PTPRD: variants seen among roughly 807,000 people sequenced by gnomAD.
PTPRD encodes receptor-type tyrosine-protein phosphatase delta.
In PTPRD, 34 loss-of-function variants were observed where a neutral mutation model predicts 214.5. The observed-to-expected ratio is 0.16, with a 90% CI of 0.12 to 0.21. The LOEUF (loss-of-function observed/expected upper bound fraction) is 0.21, where lower values mean the gene tolerates loss of function less well. Ranked by LOEUF, PTPRD falls within the 10% of genes least tolerant of loss-of-function variation. PTPRD has a pLI of 1.00. For synonymous variants in PTPRD, 1,128 were observed against 845.7 expected (o/e 1.33, Z -5.79); for missense variants, 2,545 against 2,398.7 (o/e 1.06, Z -1.27).
intron 5 of PTPRD, among the ~76,000 whole-genome samples, chr9:9,914,925 C>T (rs965667065): frequency 2.0e-5 from 3 of 152,116 alleles, no homozygotes; most frequent in African/African-American, 7.2e-5. Flanking sequence ...AACTGCATGC[C>T]CATGCTCCTA....
chr9:10,095,873 C>A (rs1252677395), intron 3 of PTPRD, among the ~76,000 whole-genome samples: 1 of 151,478 alleles, frequency 6.6e-6, no homozygotes, highest in Non-Finnish European at 1.5e-5. Flanking sequence ...TATATTAAAG[C>A]ACAAGGGTCA....
intron 8 of PTPRD, among the ~76,000 whole-genome samples, chr9:9,452,988 A>C (rs1455557868): frequency 6.7e-6 from 1 of 149,098 alleles, no homozygotes; most frequent in Non-Finnish European, 1.5e-5. Context: ...GTATACTTAA[A>C]TTTTGTGTGA....
intron 11 of PTPRD, among the ~76,000 whole-genome samples, chr9:8,959,842 G>A (rs1483358457): frequency 6.6e-6 from 1 of 151,992 alleles, no homozygotes; most frequent in Non-Finnish European, 1.5e-5. Flanking sequence ...AGACGGAGTT[G>A]CTAAAACATT....
At chr9:9,973,980 G>A (rs2095255848) in intron 4 of PTPRD, among the ~76,000 whole-genome samples, 1 of 152,142 alleles carries the variant, frequency 6.6e-6, no homozygotes, top group Non-Finnish European at 1.5e-5. Context: ...AACATATTCT[G>A]ATGGTTCTGT....
intron 3 of PTPRD, among the ~76,000 whole-genome samples, chr9:10,151,174 T>C (rs113376709): frequency 0.19 from 27,324 of 141,508 alleles, 2,595 homozygotes; most frequent in Admixed American, 0.29. Context: ...GATTCTCCTT[T>C]CTCAGCCTCC....
At chr9:9,909,160 T>C (rs1353032021) in intron 5 of PTPRD, among the ~76,000 whole-genome samples, 1 of 151,940 alleles carries the variant, frequency 6.6e-6, no homozygotes, top group Non-Finnish European at 1.5e-5. Flanking sequence ...ATACATATTT[T>C]GTTCATCAAA....
intron 5 of PTPRD, among the ~76,000 whole-genome samples, chr9:9,837,255 A>T (rs1377914347): frequency 6.6e-6 from 1 of 152,154 alleles, no homozygotes; most frequent in East Asian, 1.9e-4. Flanking sequence ...GGAATACCGT[A>T]GCTGACACTA....
At chr9:9,275,174 A>AT (rs1491381199) in intron 9 of PTPRD, among the ~76,000 whole-genome samples, 23 of 28,948 alleles carry the variant, frequency 7.9e-4, no homozygotes, top group East Asian at 6.2e-3. Context: ...ACATATATAT[A>AT]ATATATATGT....
chr9:8,458,861 A>G (rs1043092163), intron 33 of PTPRD, among the ~76,000 whole-genome samples: 3 of 152,120 alleles, frequency 2.0e-5, no homozygotes, highest in Non-Finnish European at 2.9e-5. Context: ...TACAGCACGG[A>G]TAATTGAATG....
intron 6 of PTPRD, among the ~76,000 whole-genome samples, chr9:9,747,552 T>G (rs1054351053): frequency 4.6e-5 from 7 of 151,500 alleles, no homozygotes; most frequent in African/African-American, 1.7e-4. Flanking sequence ...TTTTTTTTTT[T>G]TTTTTCTCCC....
intron 8 of PTPRD, among the ~76,000 whole-genome samples, chr9:9,567,932 A>G (rs2085086863): frequency 6.6e-6 from 1 of 151,938 alleles, no homozygotes; most frequent in Admixed American, 6.6e-5. Context: ...TATGGCATAA[A>G]AAGAAGGCAA....
chr9:10,180,685 C>T (rs2099277476), intron 3 of PTPRD, among the ~76,000 whole-genome samples: 3 of 149,692 alleles, frequency 2.0e-5, no homozygotes, highest in Admixed American at 6.7e-5. Context: ...ATTAGCTTAC[C>T]AAATCAACAG....
At chr9:10,526,469 A>C (rs894814308) in intron 2 of PTPRD, among the ~76,000 whole-genome samples, 2 of 152,110 alleles carry the variant, frequency 1.3e-5, no homozygotes, top group Non-Finnish European at 2.9e-5. Flanking sequence ...TTGAGAATAA[A>C]TAAGTAAAAG....
At chr9:8,617,470 C>A (rs149484258) in intron 14 of PTPRD, among the ~76,000 whole-genome samples, 1 of 152,060 alleles carries the variant, frequency 6.6e-6, no homozygotes, top group African/African-American at 2.4e-5. Flanking sequence ...GATTACTAGG[C>A]TACAATCAAC....
rs185363640 is a variant in PTPRD at position 8,424,414 on chromosome 9, T to A, written c.4086+12178A>T. ...AGTAAGTTACTTAACTTTCATGTGGTTCAACATACCTTCTGTAACATGGGG... is the reference window on the plus strand; with the variant it reads ...AGTAAGTTACTTAACTTTCATGTGGATCAACATACCTTCTGTAACATGGGG... On this transcript the variant is annotated intron_variant, in intron 35 of 45. Coordinates refer to ENST00000381196, the MANE Select transcript of PTPRD (RefSeq NM_002839.4). Among the ~76,000 whole-genome samples, 6 of 152,258 alleles carry A rather than the reference T, an allele frequency of 3.9e-5. No individual in the cohort carries two copies. The East Asian group carries it at 1.2e-3, about 29-fold the overall frequency.
intron 8 of PTPRD, among the ~76,000 whole-genome samples, chr9:9,485,904 G>A (rs1361942648): frequency 1.3e-5 from 2 of 151,984 alleles, no homozygotes; most frequent in Non-Finnish European, 2.9e-5. Flanking sequence ...TGTAATCCCA[G>A]CACTTTGGGA....
intron 10 of PTPRD, among the ~76,000 whole-genome samples, chr9:9,031,191 C>G (rs1352832287): frequency 7.3e-6 from 1 of 137,136 alleles, no homozygotes; most frequent in East Asian, 2.3e-4. Flanking sequence ...GGAAATAAAC[C>G]ATATAAATAC....
chr9:10,324,876 A>AAT (rs2096616100), intron 3 of PTPRD, among the ~76,000 whole-genome samples: 1 of 152,038 alleles, frequency 6.6e-6, no homozygotes, highest in South Asian at 2.1e-4. Context: ...TTAACAATCA[A>AAT]ATGTATAAGT....
intron 14 of PTPRD, among the ~76,000 whole-genome samples, chr9:8,559,035 G>C (rs1441828655): frequency 1.3e-5 from 2 of 152,074 alleles, no homozygotes; most frequent in Non-Finnish European, 2.9e-5. Context: ...TAGTCTAATA[G>C]CTAACTGAAG....
Sources: allele counts gnomAD v4.1 joint callset (sites outside exome capture counted in the v4.1 genomes callset), GRCh38; gene constraint gnomAD v4.1.1; transcripts MANE v1.5; gene names NCBI Gene and HGNC (gene_info 2026-07-23, HGNC 2026-07-21).